Variants in DPH6 observed in about 807,000 individuals in gnomAD.
DPH6 encodes the protein diphthine--ammonia ligase.
A neutral mutation model predicts 38.2 loss-of-function variants in DPH6; 33 were observed. The ratio of observed to expected loss-of-function variants is 0.86; its 90% CI spans 0.65 to 1.15. The LOEUF is 1.15. Among genes scored for constraint, DPH6 ranks in the 50% most tolerant of loss-of-function variants. The pLI is 0.00. For missense variants in DPH6, 325 were observed against 320.0 expected (o/e 1.02, Z -0.12); for synonymous variants, 108 against 103.0 (o/e 1.05, Z -0.30).
At chr15:35,545,073 A>G (rs183127280) in intron 1 of DPH6, among the ~76,000 whole-genome samples, 91 of 152,318 alleles carry the variant, frequency 6.0e-4, no homozygotes, top group African/African-American at 2.1e-3. Flanking sequence ...CTGAAATCTC[A>G]TATCAAGTCC....
In DPH6 at chr15:35,227,819, G is replaced by A. The variant is rs116783884; in HGVS notation, n.201-7237C>T. Among the ~76,000 whole-genome samples, 592 of 151,778 alleles carry A rather than the reference G, an allele frequency of 3.9e-3. 4 individuals are homozygous for A. Among genetic ancestry groups the A allele is most frequent in the African/African-American group, 0.014 (563 of 41,412 alleles). On this transcript the variant is annotated intron_variant and non_coding_transcript_variant, in intron 3 of 3. Transcript: ENST00000560386. Reference sequence around the variant, plus strand: ...TGTATCTCATACGTTTTGGTATGATGTATTTCCATTACCATTTGTTTCAAA... The same window carrying A: ...TGTATCTCATACGTTTTGGTATGATATATTTCCATTACCATTTGTTTCAAA...
intron 3 of DPH6, among the ~76,000 whole-genome samples, chr15:35,354,304 C>T (rs1364115278): frequency 6.6e-6 from 1 of 152,136 alleles, no homozygotes; most frequent in African/African-American, 2.4e-5. Flanking sequence ...CTGGCCAGAA[C>T]TTCCAACACT....
chr15:35,302,807 T>C (rs1024771444), intron 3 of DPH6, among the ~76,000 whole-genome samples: 1 of 152,096 alleles, frequency 6.6e-6, no homozygotes, highest in South Asian at 2.1e-4. Flanking sequence ...TTTTTTTTTT[T>C]CTCATGGCAT....
At chr15:35,155,123 A>G in the DPH6 span, among the ~76,000 whole-genome samples, 1 of 152,202 alleles carries the variant, frequency 6.6e-6, no homozygotes, top group Non-Finnish European at 1.5e-5. Context: ...GTTGAGATGG[A>G]AAAGAAAAAG....
At chr15:35,528,551 C>G (rs976215493) in intron 3 of DPH6, among the ~76,000 whole-genome samples, 2 of 152,058 alleles carry the variant, frequency 1.3e-5, no homozygotes, top group African/African-American at 4.8e-5. Flanking sequence ...TGGCATTCCC[C>G]ATGTTCAGGC....
chr15:35,457,989 A>T (rs777751354), intron 3 of DPH6, among the ~76,000 whole-genome samples: 35 of 152,294 alleles, frequency 2.3e-4, no homozygotes, highest in Admixed American at 9.8e-4. Flanking sequence ...GTCCATTAAT[A>T]TAAGATAGTA....
intron 3 of DPH6, among the ~76,000 whole-genome samples, chr15:35,359,493 G>C (rs1328812281): frequency 6.6e-6 from 1 of 152,182 alleles, no homozygotes. Context: ...TTGGATCCCT[G>C]TGGTGCCAGG....
rs1331182962 is a variant in DPH6 at position 35,371,001 on chromosome 15, A to C, written c.*1149T>G. ...GAACCAGACAATAAAATTTTATTCT[A>C]CACTAAAAAAAAAATGAGCTACATA... On this transcript the variant is annotated 3_prime_UTR_variant, in exon 9 of 9. Transcript: ENST00000256538. The C allele has an allele frequency of 6.6e-6, 1 of 151,648 alleles. No individual in the cohort carries two copies. The highest frequency in any genetic ancestry group is 1.5e-5 in the Non-Finnish European group (1 of 67,708). The allele number at this position is 151,648 out of a possible 1,614,324, so 9.4% of individuals were successfully genotyped here.
chr15:35,317,590 C>CAAAAAAAAAAAAAG (rs79613862), intron 3 of DPH6, among the ~76,000 whole-genome samples: 1 of 73,772 alleles, frequency 1.4e-5, no homozygotes, highest in African/African-American at 4.3e-5. Context: ...TTCTGCTGGA[C>CAAAAAAAAAAAAAG]AAAAAAAAAA....
chr15:35,179,787 A>G, the DPH6 span, among the ~76,000 whole-genome samples: 1 of 152,216 alleles, frequency 6.6e-6, no homozygotes, highest in East Asian at 1.9e-4. Context: ...AGACAAGACC[A>G]GCTCTATGCT....
At chr15:35,253,664 AT>A (rs2051689261) in intron 3 of DPH6, among the ~76,000 whole-genome samples, 5 of 152,224 alleles carry the variant, frequency 3.3e-5, no homozygotes, top group Admixed American at 3.3e-4. Context: ...ATGCCTTAAG[AT>A]TCATCTGTCA....
chr15:35,524,447 C>T (rs193216506), intron 3 of DPH6, among the ~76,000 whole-genome samples: 88 of 152,202 alleles, frequency 5.8e-4, no homozygotes, highest in Non-Finnish European at 1.1e-3. Flanking sequence ...TATGCCTTCC[C>T]CTCCGCCTCA....
intron 3 of DPH6, among the ~76,000 whole-genome samples, chr15:35,297,035 T>C (rs139944932): frequency 8.5e-5 from 13 of 152,286 alleles, no homozygotes; most frequent in African/African-American, 2.6e-4. Flanking sequence ...AGGATCACAA[T>C]AGAATTATCC....
At chr15:35,179,906 T>TATTTCTTCTCC in the DPH6 span, among the ~76,000 whole-genome samples, 1 of 152,226 alleles carries the variant, frequency 6.6e-6, no homozygotes, top group Non-Finnish European at 1.5e-5. Flanking sequence ...GTATGTATTG[T>TATTTCTTCTCC]ATTTCTTCTC....
intron 3 of DPH6, among the ~76,000 whole-genome samples, chr15:35,252,453 A>G (rs1285077631): frequency 6.6e-6 from 1 of 152,252 alleles, no homozygotes; most frequent in East Asian, 1.9e-4. Context: ...GAGTCATTAA[A>G]CAAGCATTGT....
At chr15:35,149,666 C>A in the DPH6 span, among the ~76,000 whole-genome samples, 29 of 152,336 alleles carry the variant, frequency 1.9e-4, no homozygotes, top group Non-Finnish European at 3.7e-4. Flanking sequence ...CTACCATCAT[C>A]TTTGTTTTGC....
At chr15:35,375,765 C>T (rs919792265) in intron 7 of DPH6, among the ~76,000 whole-genome samples, 1 of 151,994 alleles carries the variant, frequency 6.6e-6, no homozygotes, top group African/African-American at 2.4e-5. Flanking sequence ...TGGTTTGGGC[C>T]TCTCTTCCTT....
At chr15:35,309,415 T>C (rs2052121508) in intron 3 of DPH6, among the ~76,000 whole-genome samples, 1 of 152,184 alleles carries the variant, frequency 6.6e-6, no homozygotes, top group African/African-American at 2.4e-5. Context: ...TGACTGATTG[T>C]GGCAATGCAT....
downstream of DPH6, among the ~76,000 whole-genome samples, chr15:35,214,309 C>G (rs2051402019): frequency 6.6e-6 from 1 of 152,162 alleles, no homozygotes; most frequent in South Asian, 2.1e-4. Context: ...GCCACTAGAA[C>G]TGGTTGAGTC....
Sources: gnomAD v4.1 joint callset for allele counts (sites outside exome capture counted in the v4.1 genomes callset) on GRCh38, gnomAD v4.1.1 for gene constraint, MANE v1.5 for transcripts, NCBI Gene and HGNC (gene_info 2026-07-23, HGNC 2026-07-21) for gene names.